The following RCC1L variants were observed in gnomAD, a reference collection of about 807,000 sequenced individuals.
RCC1L encodes the protein RCC1-like G exchanging factor-like protein.
RCC1L carries 46 observed loss-of-function variants against 58.6 expected under a neutral mutation model. The ratio of observed to expected loss-of-function variants is 0.79; its 90% CI spans 0.62 to 1.00. RCC1L has a LOEUF of 1.00. Among genes scored for constraint, RCC1L ranks in the 50% least tolerant of loss-of-function variants. RCC1L has a pLI of 0.00. For synonymous variants in RCC1L, 281 were observed against 262.9 expected (o/e 1.07, Z -0.67); for missense variants, 636 against 623.6 (o/e 1.02, Z -0.21).
chr7:75,032,112 T>G (rs1805320643), intron 10 of RCC1L, among the ~76,000 whole-genome samples: 2 of 152,194 alleles, frequency 1.3e-5, no homozygotes, highest in African/African-American at 2.4e-5. Flanking sequence ...GGGAGGGAAC[T>G]ACATAAGTGG....
chr7:75,057,677 T>C, intron 7 of RCC1L, 61 bp from the exon 8 acceptor site: 1 of 1,526,338 alleles, frequency 6.6e-7, no homozygotes, highest in South Asian at 1.1e-5. Flanking sequence ...CGGGAAGTGT[T>C]CTGGTCTTAG....
rs921067537 is a variant in RCC1L at position 75,028,437 on chromosome 7, G to A, written c.1318-358C>T. ...TGCCCGGCCTCATGGAATTTCTAGG[G>A]GTGAGCAGGTGACCCTGGGGCTGCC... is the stretch of plus-strand genomic sequence containing the variant. On this transcript the variant is annotated intron_variant, in intron 10 of 10. Coordinates refer to the RCC1L transcript ENST00000614461. 5.3e-5 allele frequency among the ~76,000 whole-genome samples: 8 copies of A among 152,128 alleles called. No homozygotes were observed. The East Asian group carries it at 1.2e-3, about 22-fold the overall frequency.
At chr7:75,049,652 A>G (rs1554443138) in intron 10 of RCC1L, among the ~76,000 whole-genome samples, 1 of 150,790 alleles carries the variant, frequency 6.6e-6, no homozygotes, top group Non-Finnish European at 1.5e-5. Context: ...TGGGCGACAA[A>G]GCAAGACCCT....
At chr7:75,062,474 T>C (rs963411487) in intron 5 of RCC1L, among the ~76,000 whole-genome samples, 8 of 152,186 alleles carry the variant, frequency 5.3e-5, no homozygotes, top group Non-Finnish European at 8.8e-5. Flanking sequence ...TGCCACTGCA[T>C]TCCAGCCTAG....
chr7:75,045,801 G>T (rs1403413251), intron 10 of RCC1L, among the ~76,000 whole-genome samples: 1 of 152,088 alleles, frequency 6.6e-6, no homozygotes, highest in Non-Finnish European at 1.5e-5. Flanking sequence ...GGCGTGAGCC[G>T]CTGCACCTGG....
In RCC1L at chr7:75,063,484, T is replaced by C. The variant is rs76441100; in HGVS notation, c.651-141A>G. On this transcript the variant is annotated intron_variant, in intron 4 of 10. Transcript: ENST00000610322. ...TTGGGGTAACTCTCAAGGTCAAATC[T>C]TAGGTCGAGTCAGGCCTGGTCATGA... 5.3e-3 allele frequency: 4,923 copies of C among 924,264 alleles called. 97 individuals carry two copies. The highest frequency in any genetic ancestry group is 0.047 in the East Asian group (1,915 of 41,088). The allele number at this position is 924,264 out of a possible 1,614,324, so 57.3% of individuals were successfully genotyped here. A position where few individuals can be genotyped will look rare whatever the true frequency, so the allele number is the denominator to read the frequency against.
rs996140504 is a variant in RCC1L, at chr7:75,043,132, C to T, written c.1318-23G>A. On this transcript the variant is annotated intron_variant, in intron 10 of 10. Transcript: ENST00000610322. Reference sequence around the variant, plus strand: ...CACCTGAAAAATAAGATCCAGCATACCATGGGTGGGGGTGGCGCACCCGGA... The same window carrying T: ...CACCTGAAAAATAAGATCCAGCATATCATGGGTGGGGGTGGCGCACCCGGA... 2.9e-5 allele frequency: 46 copies of T among 1,613,786 alleles called. No individual in the cohort carries two copies. The African/African-American group carries it at 4.9e-4, about 17-fold the overall frequency.
rs1043264872 is a variant in RCC1L, at chr7:75,050,515, G to A, written c.1317+2196C>T. 5.9e-5 allele frequency among the ~76,000 whole-genome samples: 9 copies of A among 152,290 alleles called. No homozygotes were observed. In the East Asian group the frequency reaches 1.7e-3, roughly 29 times the overall value. On this transcript the variant is annotated intron_variant, in intron 10 of 10. Transcript: ENST00000610322. ...GATTTGAAGGAAATGAGGGCGGGGG[G>A]CAGACCCTCGTCAGCGTTCTTTCAC...
In RCC1L at chr7:75,055,893, T is replaced by C. The variant is rs374784119; in HGVS notation, c.1231+8A>G. On this transcript the variant is annotated splice_region_variant and intron_variant, in intron 9 of 10. Coordinates refer to ENST00000610322, the MANE Select transcript of RCC1L (RefSeq NM_030798.5). Reference sequence around the variant, plus strand: ...CTCACACCAGGGCCACCGGGCTTGGTAACTTACTGGTCAGTGCAGCAAAGT... The same window carrying C: ...CTCACACCAGGGCCACCGGGCTTGGCAACTTACTGGTCAGTGCAGCAAAGT... The C allele has an allele frequency of 6.0e-5, 97 of 1,613,954 alleles. No homozygotes were observed. The African/African-American group carries it at 1.1e-3, about 19-fold the overall frequency.
intron 10 of RCC1L, among the ~76,000 whole-genome samples, chr7:75,031,316 G>A (rs1031978506): frequency 5.3e-5 from 8 of 152,140 alleles, no homozygotes; most frequent in East Asian, 3.9e-4. Flanking sequence ...CAGCAGCGGC[G>A]TTCCATCGCT....
At position 75,055,980 on chromosome 7, in the gene RCC1L, G is replaced by C. The variant is rs782174709; in HGVS notation, c.1152C>G (p.Leu384=). Residue 384 remains leucine, a synonymous_variant, in exon 9 of 11, where the codon CTC becomes CTG. Coordinates refer to ENST00000610322, the MANE Select transcript of RCC1L (RefSeq NM_030798.5). ...CTGGGTTGAACTCCGTCAAGCCAAA[G>C]AGAGTGGGTGGAATCATTTCAGGGA... ...SAVPEMIPPT[L]FGLTEFNPEI... is the part of the protein sequence containing the mutation. 3 of 1,613,856 alleles carry C rather than the reference G, an allele frequency of 1.9e-6. No individual in the cohort carries two copies. In the African/African-American group the frequency reaches 4.0e-5, roughly 22 times the overall value.
chr7:75,056,173 C>T (rs1259797892), intron 8 of RCC1L, 99 bp from the exon 9 acceptor site: 5 of 1,405,346 alleles, frequency 3.6e-6, no homozygotes, highest in Admixed American at 1.9e-5. Context: ...GACATCCACA[C>T]GGTTTTTTTT....
intron 10 of RCC1L, among the ~76,000 whole-genome samples, chr7:75,031,008 A>C (rs1805286492): frequency 1.3e-5 from 2 of 152,360 alleles, no homozygotes; most frequent in Admixed American, 1.3e-4. Flanking sequence ...GTCCCAAGAC[A>C]GGCCAAGGCC....
chr7:75,029,722 G>A (rs897087171), intron 10 of RCC1L, among the ~76,000 whole-genome samples: 4 of 152,288 alleles, frequency 2.6e-5, no homozygotes, highest in South Asian at 2.1e-4. Context: ...CTTCTAGTCC[G>A]CTCCGAGCAG....
At chr7:75,065,441 G>C (rs1554444955) in intron 3 of RCC1L, among the ~76,000 whole-genome samples, 2 of 152,098 alleles carry the variant, frequency 1.3e-5, no homozygotes, top group African/African-American at 4.8e-5. Flanking sequence ...TGTAGTCCCA[G>C]CTACTCGGGA....
intron 7 of RCC1L, 106 bp from the exon 8 acceptor site, chr7:75,057,722 C>T: frequency 1.0e-6 from 1 of 961,562 alleles, no homozygotes; most frequent in South Asian, 1.3e-5. Flanking sequence ...CATTCATTCA[C>T]TCCACAGATA....
At chr7:75,033,486 G>A (rs1221425891) in intron 10 of RCC1L, among the ~76,000 whole-genome samples, 1 of 152,068 alleles carries the variant, frequency 6.6e-6, no homozygotes, top group Non-Finnish European at 1.5e-5. Context: ...CACAAGGTCA[G>A]GGGTTCGAGA....
chr7:75,035,351 A>C (rs2131969632), intron 10 of RCC1L, among the ~76,000 whole-genome samples: 1 of 152,340 alleles, frequency 6.6e-6, no homozygotes, highest in Middle Eastern at 3.4e-3. Context: ...CTTTAGCAGC[A>C]GAAACACAAG....
intron 10 of RCC1L, chr7:75,028,116 A>C (rs1438031516): frequency 2.7e-5 from 34 of 1,263,828 alleles, no homozygotes; most frequent in Non-Finnish European, 3.4e-5. Context: ...ATGATGTGGA[A>C]TTTTTTTTTT....
Sources: gnomAD v4.1 joint callset for allele counts (sites outside exome capture counted in the v4.1 genomes callset) on GRCh38, gnomAD v4.1.1 for gene constraint, MANE v1.5 for transcripts, NCBI Gene and HGNC (gene_info 2026-07-23, HGNC 2026-07-21) for gene names.